MINDY4: variants seen among roughly 807,000 people sequenced by gnomAD.
The protein encoded by MINDY4 is probable ubiquitin carboxyl-terminal hydrolase MINDY-4.
In MINDY4, 68 loss-of-function variants were observed where a neutral mutation model predicts 87.0. The observed-to-expected ratio is 0.78, with a 90% CI of 0.64 to 0.96. The LOEUF is 0.96. Ranked by LOEUF, MINDY4 falls within the 40% of genes least tolerant of loss-of-function variation. The pLI is 0.00. For synonymous variants in MINDY4, 379 were observed against 363.2 expected (o/e 1.04, Z -0.50); for missense variants, 919 against 928.2 (o/e 0.99, Z 0.13).
chr7:30,822,487 G>A (rs951492696), intron 5 of MINDY4, among the ~76,000 whole-genome samples: 5 of 151,998 alleles, frequency 3.3e-5, no homozygotes, highest in African/African-American at 1.2e-4. Context: ...ATTTCATATT[G>A]ATTCAATAAC....
chr7:30,856,472 G>A (rs995044492), intron 12 of MINDY4, among the ~76,000 whole-genome samples: 1 of 151,872 alleles, frequency 6.6e-6, no homozygotes, highest in South Asian at 2.1e-4. Flanking sequence ...AGGACTGGGG[G>A]CAACGCTGGC....
intron 13 of MINDY4, among the ~76,000 whole-genome samples, chr7:30,859,843 G>T (rs1316281188): frequency 6.6e-6 from 1 of 152,130 alleles, no homozygotes; most frequent in Non-Finnish European, 1.5e-5. Context: ...AATCTCCCCT[G>T]CCTGACCCCT....
intron 5 of MINDY4, among the ~76,000 whole-genome samples, chr7:30,801,582 T>C (rs1251711106): frequency 6.6e-6 from 1 of 151,978 alleles, no homozygotes; most frequent in Admixed American, 6.5e-5. Context: ...GAATGCCATT[T>C]CTCCTTCTGA....
chr7:30,834,935 C>G (rs367992526), intron 6 of MINDY4, among the ~76,000 whole-genome samples: 3 of 152,194 alleles, frequency 2.0e-5, no homozygotes, highest in Non-Finnish European at 4.4e-5. Context: ...TACTACTATC[C>G]GCATTTTTGT....
In MINDY4 at chr7:30,839,240, T is replaced by G. The variant is rs1481977309; in HGVS notation, c.1280T>G (p.Phe427Cys). The change falls in exon 8 of 18, where the codon TTC (phenylalanine) becomes TGC (cysteine). Residue 427 changes from phenylalanine (F) to cysteine (C), a missense_variant. Physicochemically the swap from Phe to Cys is radical, Grantham distance 205. Transcript: ENST00000265299. ...CTGTTTGGTTCCAGCTTTTGCTGTT[T>G]CAATGAAGAATGGAAACTTCAGAGT... Reference protein sequence around the residue: ...TLLFGSSFCCFNEEWKLQSFS... With the variant: ...TLLFGSSFCCCNEEWKLQSFS... 2 of 1,612,596 alleles carry G rather than the reference T, an allele frequency of 1.2e-6. No homozygotes were observed. The highest frequency in any genetic ancestry group is 2.2e-5 in the East Asian group (1 of 44,850).
intron 17 of MINDY4, among the ~76,000 whole-genome samples, chr7:30,885,473 T>C (rs1790601928): frequency 6.6e-6 from 1 of 152,010 alleles, no homozygotes; most frequent in Non-Finnish European, 1.5e-5. Context: ...GATCATGCCA[T>C]TGCACGCCAG....
chr7:30,822,919 C>T (rs10273719), intron 5 of MINDY4, among the ~76,000 whole-genome samples: 55,260 of 151,778 alleles, frequency 0.36, 12,769 homozygotes, highest in African/African-American at 0.64. Flanking sequence ...GCTGAGATTA[C>T]AGGTGTGAGC....
intron 1 of MINDY4, among the ~76,000 whole-genome samples, chr7:30,775,944 C>T (rs1209762784): frequency 1.3e-5 from 2 of 152,182 alleles, no homozygotes; most frequent in Non-Finnish European, 2.9e-5. Context: ...TGGCTTGTTC[C>T]TTTCTTGTGC....
chr7:30,820,382 TAA>T (rs775517141), intron 5 of MINDY4, among the ~76,000 whole-genome samples: 12 of 152,242 alleles, frequency 7.9e-5, no homozygotes, highest in Non-Finnish European at 1.5e-4. Flanking sequence ...TCTTATTTTT[TAA>T]ATTAACCATT....
At chr7:30,861,726 C>T (rs1584329130) in intron 13 of MINDY4, among the ~76,000 whole-genome samples, 1 of 152,242 alleles carries the variant, frequency 6.6e-6, no homozygotes, top group Non-Finnish European at 1.5e-5. Flanking sequence ...CTGGTCCAAC[C>T]GTATCCCAGG....
At chr7:30,853,371 C>T (rs1773151264) in intron 11 of MINDY4, 23 bp from the exon 12 acceptor site, 2 of 1,606,774 alleles carry the variant, frequency 1.2e-6, no homozygotes, top group African/African-American at 2.7e-5. Context: ...GGCCACTCAT[C>T]CTGAGTGTTT....
At chr7:30,807,894 T>C (rs956979139) in intron 5 of MINDY4, among the ~76,000 whole-genome samples, 1 of 152,176 alleles carries the variant, frequency 6.6e-6, no homozygotes, top group Non-Finnish European at 1.5e-5. Context: ...GGGAGCTCGG[T>C]TGTTGGAGAT....
chr7:30,813,054 T>C (rs11981431), intron 5 of MINDY4, among the ~76,000 whole-genome samples: 57,547 of 152,030 alleles, frequency 0.38, 14,194 homozygotes, highest in African/African-American at 0.69. Flanking sequence ...GCACATCTGT[T>C]CCACTGGGGA....
intron 5 of MINDY4, among the ~76,000 whole-genome samples, chr7:30,823,340 C>A (rs7786959): frequency 0.38 from 57,329 of 152,038 alleles, 14,098 homozygotes; most frequent in African/African-American, 0.69. Flanking sequence ...TAAATGATTA[C>A]ATTGGAGTGT....
chr7:30,810,242 T>G (rs1787945913), intron 5 of MINDY4, among the ~76,000 whole-genome samples: 1 of 149,602 alleles, frequency 6.7e-6, no homozygotes, highest in Non-Finnish European at 1.5e-5. Flanking sequence ...GTCGAAGAGT[T>G]GTCTGCGAAA....
At chr7:30,786,127 C>A in intron 4 of MINDY4, 135 bp downstream of exon 4, 2 of 1,211,248 alleles carry the variant, frequency 1.7e-6, no homozygotes, top group Non-Finnish European at 1.2e-6. Context: ...GTGGGAAGAA[C>A]AGTGCCTCTG....
In MINDY4 at chr7:30,877,683, C is replaced by CTTCTTCT. The variant is rs1554285649; in HGVS notation, c.1971+2029_1971+2030insCTTCTTT. Among the ~76,000 whole-genome samples, 16 of 112,684 alleles carry CTTCTTCT rather than the reference C, an allele frequency of 1.4e-4. 2 individuals are homozygous for CTTCTTCT. The highest frequency in any genetic ancestry group is 5.4e-4 in the African/African-American group (16 of 29,766). 73.9% of individuals were successfully genotyped at this position (112,684 alleles called of 152,430 possible). On this transcript the variant is annotated intron_variant, in intron 15 of 17. Transcript: ENST00000265299. ...CCCTCTTCTTCTTCTTCTTCTTCTT[C>CTTCTTCT]TTTTTTTTTTTTTTTTGAGACAAGG...
chr7:30,872,342 C>T (rs1484231187), intron 14 of MINDY4, 36 bp downstream of exon 14: 1 of 1,596,454 alleles, frequency 6.3e-7, no homozygotes, highest in Middle Eastern at 1.7e-4. Flanking sequence ...TGGTCCTTCC[C>T]CCTCCTCTGT....
At position 30,892,107 on chromosome 7, in the gene MINDY4, C is replaced by A; in HGVS notation, c.*102C>A. 6.9e-6 allele frequency: 9 copies of A among 1,302,256 alleles called. No individual in the cohort carries two copies. Among genetic ancestry groups the A allele is most frequent in the Non-Finnish European group, 1.0e-5 (9 of 900,050 alleles). 80.7% of individuals were successfully genotyped at this position (1,302,256 alleles called of 1,614,324 possible). A position where few individuals can be genotyped will look rare whatever the true frequency, so the allele number is the denominator to read the frequency against. On this transcript the variant is annotated 3_prime_UTR_variant, in exon 18 of 18. Coordinates refer to ENST00000265299, the MANE Select transcript of MINDY4 (RefSeq NM_032222.3). The stretch of plus-strand genomic sequence containing the variant: ...CTGGGGCAGGTCTCATGTACCCCAA[C>A]CTGGGTCAGCATGACTGCAGAAGCA...
Sources: allele counts gnomAD v4.1 joint callset (sites outside exome capture counted in the v4.1 genomes callset), GRCh38; gene constraint gnomAD v4.1.1; transcripts MANE v1.5; gene names NCBI Gene and HGNC (gene_info 2026-07-23, HGNC 2026-07-21).